Variants in GATB observed in about 807,000 individuals in gnomAD.
GATB encodes glutamyl-tRNA amidotransferase subunit B, also known as glutamyl-tRNA(Gln) amidotransferase subunit B, mitochondrial.
Under a neutral mutation model 62.3 loss-of-function variants are expected in GATB, and 39 were observed. The observed-to-expected ratio is 0.63, with a 90% CI of 0.48 to 0.82. The LOEUF (loss-of-function observed/expected upper bound fraction) is 0.82. Ranked by LOEUF, GATB falls within the 40% of genes least tolerant of loss-of-function variation. The pLI, the probability that GATB is intolerant of heterozygous loss-of-function variation, is 0.00. For missense variants in GATB, 670 were observed against 684.0 expected (o/e 0.98, Z 0.23); for synonymous variants, 276 against 258.9 (o/e 1.07, Z -0.63).
chr4:151,708,221 T>A (rs561405007), intron 5 of GATB, 120 bp from the exon 6 acceptor site: 2 of 681,236 alleles, frequency 2.9e-6, no homozygotes, highest in East Asian at 2.7e-5. Context: ...TATAGCAGCC[T>A]AACTTCAGAG....
Position 151,671,179 on chromosome 4 carries a change from A to G in GATB, c.1669T>C (p.Leu557=), listed in dbSNP as rs372696200. The change falls in exon 13 of 13, where the codon TTG becomes CTG. Residue 557 remains leucine (L), a synonymous_variant. Transcript: ENST00000263985. The part of the protein sequence containing the change: ...IKEILEKKLS[L] ...GCAAGGGGATCCCAAACATCTCACA[A>G]TGACAGCTTCTTCTCCAGGATCTCC... The G allele has an allele frequency of 3.8e-5, 62 of 1,614,016 alleles. No homozygotes were observed. Among genetic ancestry groups the G allele is most frequent in the African/African-American group, 5.3e-5 (4 of 74,906 alleles).
intron 2 of GATB, among the ~76,000 whole-genome samples, chr4:151,736,728 T>C (rs1359896217): frequency 6.6e-6 from 1 of 152,158 alleles, no homozygotes; most frequent in Non-Finnish European, 1.5e-5. Context: ...AATTCCCACA[T>C]GTTGTGGGAG....
chr4:151,750,799 TG>T (rs753197648), intron 2 of GATB, among the ~76,000 whole-genome samples: 2 of 151,122 alleles, frequency 1.3e-5, no homozygotes, highest in Admixed American at 6.6e-5. Flanking sequence ...GACTTATTTT[TG>T]TATTTTTTTT....
intron 2 of GATB, among the ~76,000 whole-genome samples, chr4:151,756,037 G>T (rs1031744304): frequency 1.3e-5 from 2 of 152,168 alleles, no homozygotes; most frequent in Admixed American, 1.3e-4. Context: ...CAAAGAATAG[G>T]GCATGGGAAA....
At position 151,730,732 on chromosome 4, in the gene GATB, A is replaced by C. The variant is rs1739227884; in HGVS notation, c.328-11194T>G. ...TCCACAGGAAAAGGGAGAGAATATT[A>C]TTACATCAAGGGAACACCCCATGGG... On this transcript the variant is annotated intron_variant, in intron 2 of 12. Transcript: ENST00000263985. The surrounding 1 kb of genome is among the most constrained non-coding windows in gnomAD (Gnocchi z 4.1). Among the ~76,000 whole-genome samples, 1 of 152,206 alleles carries C rather than the reference A, an allele frequency of 6.6e-6. No homozygotes were observed. The highest frequency in any genetic ancestry group is 2.1e-4 in the South Asian group (1 of 4,834).
At chr4:151,715,035 A>T (rs961103658) in intron 5 of GATB, among the ~76,000 whole-genome samples, 2 of 152,240 alleles carry the variant, frequency 1.3e-5, no homozygotes, top group Non-Finnish European at 2.9e-5. Flanking sequence ...CCTATGTGAC[A>T]AATGTGGCAT....
intron 10 of GATB, among the ~76,000 whole-genome samples, chr4:151,685,885 T>C (rs1294452488): frequency 5.7e-5 from 7 of 122,286 alleles, no homozygotes; most frequent in African/African-American, 2.4e-4. Flanking sequence ...CTGTCTCTAC[T>C]AAAAAGAAAA....
At chr4:151,694,606 A>C (rs1278915196) in intron 9 of GATB, among the ~76,000 whole-genome samples, 5 of 152,242 alleles carry the variant, frequency 3.3e-5, no homozygotes, top group Admixed American at 6.5e-5. Context: ...AATTGCACGG[A>C]GCTGAAATAT....
At chr4:151,758,224 C>T (rs2127002402) in intron 2 of GATB, among the ~76,000 whole-genome samples, 1 of 152,100 alleles carries the variant, frequency 6.6e-6, no homozygotes, top group African/African-American at 2.4e-5. Flanking sequence ...TTTGAGTTGA[C>T]TCCTCCTCCT....
chr4:151,753,079 G>C (rs533405160), intron 2 of GATB, among the ~76,000 whole-genome samples: 53 of 152,334 alleles, frequency 3.5e-4, no homozygotes, highest in African/African-American at 1.2e-3. Flanking sequence ...GGCCACCTAA[G>C]TTCCCGCACT....
intron 2 of GATB, among the ~76,000 whole-genome samples, chr4:151,731,527 C>T (rs577602862): frequency 5.8e-4 from 89 of 152,300 alleles, no homozygotes; most frequent in African/African-American, 1.9e-3. Flanking sequence ...AGCCTCTGCC[C>T]GGCTGCCACC....
chr4:151,685,758 T>A (rs1738230049), intron 10 of GATB, among the ~76,000 whole-genome samples: 1 of 152,058 alleles, frequency 6.6e-6, no homozygotes, highest in African/African-American at 2.4e-5. Flanking sequence ...AGGACAGGGA[T>A]GAAAGACCAA....
chr4:151,707,932 C>T, intron 6 of GATB, 56 bp downstream of exon 6: 1 of 1,183,428 alleles, frequency 8.5e-7, no homozygotes, highest in Non-Finnish European at 1.3e-6. Flanking sequence ...TGTTTGTTAC[C>T]CAGCAAGAGA....
At chr4:151,721,997 C>A in intron 2 of GATB, 1 of 570,654 alleles carries the variant, frequency 1.8e-6, no homozygotes, top group Non-Finnish European at 3.1e-6. Flanking sequence ...ATTTAGAAGC[C>A]ATGAAGTACT....
chr4:151,710,343 T>C (rs907832374), intron 5 of GATB, among the ~76,000 whole-genome samples: 4 of 152,224 alleles, frequency 2.6e-5, no homozygotes, highest in African/African-American at 9.6e-5. Flanking sequence ...TCTTATTAAA[T>C]GAACAAACAA....
At chr4:151,749,808 C>T (rs550580338) in intron 2 of GATB, among the ~76,000 whole-genome samples, 2 of 152,234 alleles carry the variant, frequency 1.3e-5, no homozygotes, top group South Asian at 2.1e-4. Flanking sequence ...GAGACATTGT[C>T]TGCTTTCTTA....
At chr4:151,737,416 G>A (rs1560862306) in intron 2 of GATB, among the ~76,000 whole-genome samples, 1 of 152,234 alleles carries the variant, frequency 6.6e-6, no homozygotes, top group African/African-American at 2.4e-5. Context: ...CATTCAAGAG[G>A]TGACTTGGGT....
At chr4:151,691,066 C>T (rs1353511158) in intron 9 of GATB, among the ~76,000 whole-genome samples, 5 of 152,124 alleles carry the variant, frequency 3.3e-5, no homozygotes, top group Non-Finnish European at 7.3e-5. Context: ...AAGCTTGGCA[C>T]GAATCTCAGA....
chr4:151,691,159 T>C (rs768376312), intron 9 of GATB, among the ~76,000 whole-genome samples: 45 of 152,300 alleles, frequency 3.0e-4, no homozygotes, highest in Non-Finnish European at 5.7e-4. Flanking sequence ...AAAAATCATA[T>C]GAAGAGCAAT....
Sources: allele counts gnomAD v4.1 joint callset (sites outside exome capture counted in the v4.1 genomes callset), GRCh38; gene constraint gnomAD v4.1.1; non-coding constraint Gnocchi (gnomAD v3.1); transcripts MANE v1.5; gene names NCBI Gene and HGNC (gene_info 2026-07-23, HGNC 2026-07-21).